Variants in LRP1B observed in about 807,000 individuals in gnomAD.
LRP1B encodes the protein low-density lipoprotein receptor-related protein 1B.
In LRP1B, 217 loss-of-function variants were observed where a neutral mutation model predicts 556.6. That is an observed-to-expected ratio of 0.39 (90% CI 0.35 to 0.44). The LOEUF (loss-of-function observed/expected upper bound fraction) is 0.44, where lower values mean the gene tolerates loss of function less well. Among genes scored for constraint, LRP1B ranks in the 20% least tolerant of loss-of-function variants. The pLI is 1.00. For synonymous variants in LRP1B, 2,047 were observed against 1,865.8 expected (o/e 1.10, Z -2.50); for missense variants, 5,053 against 5,620.8 (o/e 0.90, Z 3.23).
At chr2:140,415,064 C>A (rs187198332) in intron 66 of LRP1B, among the ~76,000 whole-genome samples, 64 of 152,228 alleles carry the variant, frequency 4.2e-4, no homozygotes, top group African/African-American at 1.5e-3. Context: ...GAGATAAGGA[C>A]TGAGATACAC....
intron 77 of LRP1B, among the ~76,000 whole-genome samples, chr2:140,336,310 T>C (rs1338666853): frequency 6.6e-6 from 1 of 152,024 alleles, no homozygotes; most frequent in African/African-American, 2.4e-5. Flanking sequence ...GTAGTATTTG[T>C]TTACTGTTCT....
intron 2 of LRP1B, among the ~76,000 whole-genome samples, chr2:141,522,310 T>C (rs906678935): frequency 4.6e-5 from 7 of 152,164 alleles, no homozygotes; most frequent in Non-Finnish European, 8.8e-5. Context: ...TTCTTTTCCA[T>C]TGATGTTTCA....
intron 2 of LRP1B, among the ~76,000 whole-genome samples, 198 bp from the exon 3 acceptor site, chr2:141,480,731 A>T (rs887795564): frequency 2.6e-5 from 4 of 152,214 alleles, no homozygotes; most frequent in Admixed American, 2.0e-4. Context: ...ATAGGAAAGG[A>T]AATATGTATT....
chr2:140,411,727 A>C (rs1318016413), intron 66 of LRP1B, among the ~76,000 whole-genome samples: 3 of 150,854 alleles, frequency 2.0e-5, no homozygotes, highest in African/African-American at 7.3e-5. Flanking sequence ...TAATAACAAT[A>C]ACAACCAAAA....
At chr2:140,256,995 T>G (rs1681723928) in intron 86 of LRP1B, among the ~76,000 whole-genome samples, 1 of 151,730 alleles carries the variant, frequency 6.6e-6, no homozygotes, top group Non-Finnish European at 1.5e-5. Context: ...TAGGCTTAAG[T>G]TTTTCTACTC....
At chr2:141,127,762 G>A (rs1558879520) in intron 7 of LRP1B, among the ~76,000 whole-genome samples, 1 of 120,676 alleles carries the variant, frequency 8.3e-6, no homozygotes, top group Non-Finnish European at 2.0e-5. Context: ...TACCTACAAA[G>A]GTAAACTGGT....
rs187524915 is a variant in LRP1B at position 140,786,473 on chromosome 2, A to G, written c.5360-10235T>C. 3.3e-5 allele frequency among the ~76,000 whole-genome samples: 5 copies of G among 152,350 alleles called. No homozygotes were observed. The East Asian group carries it at 9.7e-4, about 29-fold the overall frequency. On this transcript the variant is annotated intron_variant, in intron 32 of 90. Coordinates refer to ENST00000389484, the MANE Select transcript of LRP1B (RefSeq NM_018557.3). ...ATCAGAGGTGGATATGTTTGCTTACAGCAGTCTGTTAGTCTATTAGCTTCT... is the reference window on the plus strand; with the variant it reads ...ATCAGAGGTGGATATGTTTGCTTACGGCAGTCTGTTAGTCTATTAGCTTCT...
chr2:141,055,453 A>T (rs1448553919), intron 9 of LRP1B, among the ~76,000 whole-genome samples, 194 bp from the exon 10 acceptor site: 2 of 151,860 alleles, frequency 1.3e-5, no homozygotes, highest in African/African-American at 4.8e-5. Context: ...GATTTGACAA[A>T]ATCCTCCTAA....
chr2:141,819,293 T>C (rs1696677793), intron 1 of LRP1B, among the ~76,000 whole-genome samples: 1 of 152,114 alleles, frequency 6.6e-6, no homozygotes, highest in African/African-American at 2.4e-5. Context: ...GTGAACTTTT[T>C]CTTTCTCTAT....
intron 31 of LRP1B, among the ~76,000 whole-genome samples, chr2:140,831,301 G>C (rs551297428): frequency 6.6e-6 from 1 of 152,138 alleles, no homozygotes; most frequent in South Asian, 2.1e-4. Context: ...AAACAAAACG[G>C]CATGGTGCGA....
chr2:141,634,457 T>A (rs1467297943), intron 2 of LRP1B, among the ~76,000 whole-genome samples: 1 of 151,974 alleles, frequency 6.6e-6, no homozygotes, highest in African/African-American at 2.4e-5. Flanking sequence ...AAAAAACAGA[T>A]GTCTAGAAAA....
At chr2:141,080,054 G>A (rs989918673) in intron 7 of LRP1B, among the ~76,000 whole-genome samples, 1 of 152,188 alleles carries the variant, frequency 6.6e-6, no homozygotes. Flanking sequence ...TTCAATATAA[G>A]CTATATGCTA....
intron 20 of LRP1B, among the ~76,000 whole-genome samples, chr2:140,942,685 T>C (rs1244954135): frequency 2.1e-5 from 3 of 145,244 alleles, no homozygotes; most frequent in Admixed American, 7.1e-5. Flanking sequence ...CCTGCCAAAC[T>C]AAGCTTCATA....
At chr2:142,088,785 C>G (rs1303193943) in intron 1 of LRP1B, among the ~76,000 whole-genome samples, 2 of 151,884 alleles carry the variant, frequency 1.3e-5, no homozygotes, top group Non-Finnish European at 2.9e-5. Flanking sequence ...ACCATCCTGG[C>G]TAACACAGTG....
intron 3 of LRP1B, among the ~76,000 whole-genome samples, chr2:141,288,901 C>A (rs1225287972): frequency 2.0e-5 from 3 of 152,004 alleles, no homozygotes; most frequent in African/African-American, 7.2e-5. Flanking sequence ...AAGCTTTATT[C>A]CCACTAGAAA....
At chr2:141,850,655 T>TGTGTGTGTGTGA (rs1343394382) in intron 1 of LRP1B, among the ~76,000 whole-genome samples, 3 of 145,258 alleles carry the variant, frequency 2.1e-5, no homozygotes, top group African/African-American at 5.1e-5. Flanking sequence ...TGTGTGTGTG[T>TGTGTGTGTGTGA]GAGCATGTAC....
chr2:140,534,086 G>A lies in LRP1B; in HGVS notation c.7697C>T (p.Pro2566Leu), dbSNP rs148516594. Reference sequence around the variant, plus strand: ...TTCTCCATCACATAACTTGCCATGAGGAATGCAGCGGCGATTATAGCATGG... The same window carrying A: ...TTCTCCATCACATAACTTGCCATGAAGAATGCAGCGGCGATTATAGCATGG... ...FKPCYNRRCI[P>L]HGKLCDGEND... Residue 2566 changes from proline (P) to leucine (L), a missense_variant, in exon 47 of 91, where the codon CCT becomes CTT. By Grantham distance (98) the Pro-to-Leu change is moderately conservative. Around this residue, in one of 5 missense-constraint regions of LRP1B, gnomAD observed 3,619 missense variants for 3,931.9 expected, o/e 0.92. Coordinates refer to ENST00000389484, the MANE Select transcript of LRP1B (RefSeq NM_018557.3). The A allele has an allele frequency of 1.2e-6, 2 of 1,613,348 alleles. No homozygotes were observed. The highest frequency in any genetic ancestry group is 2.7e-5 in the African/African-American group (2 of 75,000).
At chr2:141,901,831 ATAAT>A (rs1214105991) in intron 1 of LRP1B, among the ~76,000 whole-genome samples, 2 of 151,916 alleles carry the variant, frequency 1.3e-5, no homozygotes. Context: ...GTGCAACATA[ATAAT>A]TAATCATAAT....
chr2:140,752,864 A>C (rs1320534223), intron 35 of LRP1B, among the ~76,000 whole-genome samples: 1 of 152,206 alleles, frequency 6.6e-6, no homozygotes, highest in Admixed American at 6.5e-5. Flanking sequence ...TAAAATTGAT[A>C]AATCTACATT....
Sources: gnomAD v4.1 joint callset for allele counts (sites outside exome capture counted in the v4.1 genomes callset) on GRCh38, gnomAD v4.1.1 for gene constraint, gnomAD v4.1.1 regional missense constraint, MANE v1.5 for transcripts, NCBI Gene and HGNC (gene_info 2026-07-23, HGNC 2026-07-21) for gene names.